PPFIA1: variants seen among roughly 807,000 people sequenced by gnomAD.
The protein encoded by PPFIA1 is liprin-alpha-1.
PPFIA1 carries 25 observed loss-of-function variants against 149.9 expected under a neutral mutation model. The ratio of observed to expected loss-of-function variants is 0.17; its 90% confidence interval spans 0.12 to 0.23. PPFIA1 has a LOEUF of 0.23. PPFIA1 is among the 10% of genes least tolerant of loss of function. The pLI is 1.00. For synonymous variants in PPFIA1, 549 were observed against 552.8 expected, an observed-to-expected ratio of 0.99 and a Z score of 0.10; for missense variants, 1,362 against 1,506.5, an observed-to-expected ratio of 0.90 and a Z score of 1.59.
chr11:70,322,758 A>G (rs980422589), intron 2 of PPFIA1, among the ~76,000 whole-genome samples: 15 of 152,220 alleles, frequency 9.9e-5, no homozygotes, highest in African/African-American at 3.4e-4. Context: ...ATATACTAAG[A>G]TAAAACTTGC....
At chr11:70,305,983 G>T (rs1488419467) in intron 2 of PPFIA1, among the ~76,000 whole-genome samples, 2 of 152,166 alleles carry the variant, frequency 1.3e-5, no homozygotes, top group African/African-American at 2.4e-5. Context: ...CGGAGAAATT[G>T]TGCTGACATT....
intron 2 of PPFIA1, among the ~76,000 whole-genome samples, chr11:70,277,739 C>T (rs920724690): frequency 2.0e-5 from 3 of 152,036 alleles, no homozygotes; most frequent in Admixed American, 2.0e-4. Flanking sequence ...GATCTGCCTG[C>T]TTCAGCCTCC....
intron 21 of PPFIA1, chr11:70,365,884 C>T (rs1231656065): frequency 3.8e-5 from 17 of 451,694 alleles, no homozygotes; most frequent in South Asian, 6.3e-5. Context: ...CCTGCATTAC[C>T]GAGCTCACCA....
intron 2 of PPFIA1, chr11:70,321,535 A>G (rs1376345140): frequency 6.6e-6 from 1 of 152,264 alleles, no homozygotes; most frequent in Non-Finnish European, 1.5e-5. Context: ...TATGTTTAAG[A>G]TGCTTAAAAA....
chr11:70,356,126 G>T (rs1371048650), intron 18 of PPFIA1, 35 bp from the exon 19 acceptor site: 5 of 1,509,974 alleles, frequency 3.3e-6, no homozygotes, highest in Non-Finnish European at 4.6e-6. Flanking sequence ...TTGTCATGCT[G>T]ATTTTTACTT....
At chr11:70,329,545 CG>C (rs2054531931) in intron 7 of PPFIA1, among the ~76,000 whole-genome samples, 1 of 152,096 alleles carries the variant, frequency 6.6e-6, no homozygotes, top group Non-Finnish European at 1.5e-5. Flanking sequence ...CTGCTGGACT[CG>C]AGCAATCCTC....
At chr11:70,301,196 A>G (rs1228782081) in intron 2 of PPFIA1, among the ~76,000 whole-genome samples, 1 of 152,222 alleles carries the variant, frequency 6.6e-6, no homozygotes, top group Non-Finnish European at 1.5e-5. Flanking sequence ...TTATTACCCA[A>G]TAAGTAGACT....
At position 70,362,163 on chromosome 11, in the gene PPFIA1, T is replaced by C. The variant is rs780978665; in HGVS notation, c.2651T>C (p.Val884Ala). The C allele has an allele frequency of 3.7e-6, 6 of 1,614,108 alleles. No individual in the cohort carries two copies. The highest frequency in any genetic ancestry group is 2.2e-5 in the East Asian group (1 of 44,900). Reference sequence around the variant, plus strand: ...GCCCAATGGGACGGGCCAACGGTTGTGGTCTGGCTAGAGGTACATCCTTCA... The same window carrying C: ...GCCCAATGGGACGGGCCAACGGTTGCGGTCTGGCTAGAGGTACATCCTTCA... ...PFAQWDGPTVVVWLELWVGMP... is the reference protein window; with the variant it reads ...PFAQWDGPTVAVWLELWVGMP... Residue 884 changes from valine to alanine, a missense_variant, in exon 20 of 28, where the codon GTG becomes GCG. Physicochemically the swap from Val to Ala is moderately conservative, Grantham distance 64. Coordinates refer to ENST00000253925, the MANE Select transcript of PPFIA1 (RefSeq NM_003626.5).
At chr11:70,307,886 A>G (rs572138439) in intron 2 of PPFIA1, among the ~76,000 whole-genome samples, 9 of 152,336 alleles carry the variant, frequency 5.9e-5, no homozygotes, top group African/African-American at 2.2e-4. Context: ...TGGTTACAGC[A>G]CGGCACTCCA....
At chr11:70,348,487 A>G (rs2055853867) in intron 16 of PPFIA1, 67 bp downstream of exon 16, 1 of 1,255,494 alleles carries the variant, frequency 8.0e-7, no homozygotes, top group Admixed American at 2.1e-5. Flanking sequence ...TGGACACTAC[A>G]AATCTACCCA....
rs150842572 is a variant in PPFIA1, at chr11:70,374,672, C to A, written c.3140-246C>A. On this transcript the variant is annotated intron_variant, in intron 23 of 27. Transcript: ENST00000253925. Reference sequence around the variant, plus strand: ...TTCTTTTCTCTAGAAATAATAACTTCATTCCTCTCGTGCTCACTGGAAGGA... The same window carrying A: ...TTCTTTTCTCTAGAAATAATAACTTAATTCCTCTCGTGCTCACTGGAAGGA... The A allele has an allele frequency of 2.4e-4, 102 of 432,388 alleles. No individual in the cohort carries two copies. The East Asian group carries it at 3.9e-3, about 16-fold the overall frequency. The allele number at this position is 432,388 out of a possible 1,614,324, so 26.8% of individuals were successfully genotyped here.
chr11:70,319,941 T>C (rs2053840046), intron 2 of PPFIA1: 1 of 152,442 alleles, frequency 6.6e-6, no homozygotes, highest in East Asian at 1.9e-4. Context: ...CTTCCCATCA[T>C]GGATGGCTTC....
At chr11:70,367,206 G>A (rs969138608) in intron 21 of PPFIA1, among the ~76,000 whole-genome samples, 1 of 152,190 alleles carries the variant, frequency 6.6e-6, no homozygotes, top group Non-Finnish European at 1.5e-5. Flanking sequence ...AGAACTAGCC[G>A]ACATGCAGTC....
Position 70,333,562 on chromosome 11 carries a change from G to T in PPFIA1, c.1296+9G>T. 6.2e-7 allele frequency: 1 copy of T among 1,608,096 alleles called. No individual in the cohort carries two copies. Among genetic ancestry groups the T allele is most frequent in the Non-Finnish European group, 8.5e-7 (1 of 1,176,838 alleles). ...ATCAAGAACTGCAGCGGGTGAGCAT[G>T]CAGCCCTGAGGGTGGGGGCGCTGAG... is the stretch of plus-strand genomic sequence containing the variant. On this transcript the variant is annotated intron_variant, in intron 10 of 27. Coordinates refer to ENST00000253925, the MANE Select transcript of PPFIA1 (RefSeq NM_003626.5).
chr11:70,371,086 C>T (rs890563814), intron 21 of PPFIA1, among the ~76,000 whole-genome samples: 18 of 152,260 alleles, frequency 1.2e-4, no homozygotes, highest in African/African-American at 2.9e-4. Flanking sequence ...GATCCGAGGT[C>T]GCGCTACTGC....
At chr11:70,280,714 T>C (rs1439462889) in intron 2 of PPFIA1, among the ~76,000 whole-genome samples, 2 of 152,204 alleles carry the variant, frequency 1.3e-5, no homozygotes, top group Non-Finnish European at 2.9e-5. Flanking sequence ...ACTATAGGTA[T>C]GTGCCACTGT....
intron 14 of PPFIA1, among the ~76,000 whole-genome samples, chr11:70,339,797 C>G (rs1022945037): frequency 5.3e-5 from 8 of 152,120 alleles, no homozygotes; most frequent in African/African-American, 7.2e-5. Context: ...GGTGGATCAC[C>G]TGAGGTCAGG....
chr11:70,332,605 G>A lies in PPFIA1; in HGVS notation c.1212+511G>A, dbSNP rs779489506. 1.7e-4 allele frequency among the ~76,000 whole-genome samples: 26 copies of A among 152,190 alleles called. 1 individual carries two copies. The highest frequency in any genetic ancestry group is 5.2e-4 in the Admixed American group (8 of 15,296). On this transcript the variant is annotated intron_variant, in intron 9 of 27. Coordinates refer to ENST00000253925, the MANE Select transcript of PPFIA1 (RefSeq NM_003626.5). ...TTTATTCATTTGTCCAACAACTGTT[G>A]ACTAGGCATGTGCAAGACACAGTCC... is the stretch of plus-strand genomic sequence containing the variant.
chr11:70,358,804 G>A (rs2056487657), intron 19 of PPFIA1: 1 of 152,152 alleles, frequency 6.6e-6, no homozygotes, highest in African/African-American at 2.4e-5. Flanking sequence ...TTGGTGCCTG[G>A]GATACGTAGT....
Sources: allele counts gnomAD v4.1 joint callset (sites outside exome capture counted in the v4.1 genomes callset), GRCh38; gene constraint gnomAD v4.1.1; transcripts MANE v1.5; gene names NCBI Gene and HGNC (gene_info 2026-07-23, HGNC 2026-07-21).